Variants in HEATR4 observed in about 807,000 individuals in gnomAD.
The protein encoded by HEATR4 is HEAT repeat containing 4, also known as HEAT repeat-containing protein 4.
In HEATR4, 95 loss-of-function variants were observed where a neutral mutation model predicts 108.8. That is an observed-to-expected ratio of 0.87 (90% CI 0.74 to 1.04). HEATR4 has a LOEUF of 1.04. HEATR4 is among the 50% of genes least tolerant of loss of function. The probability of loss-of-function intolerance (pLI) is 0.00; values close to 1 mark genes in which losing one functional copy is unlikely to be tolerated. For synonymous variants in HEATR4, 443 were observed against 459.4 expected, an observed-to-expected ratio of 0.96 and a Z score of 0.46; for missense variants, 1,152 against 1,253.8, an observed-to-expected ratio of 0.92 and a Z score of 1.23.
chr14:73,623,804 C>T, the HEATR4 span, among the ~76,000 whole-genome samples: 2 of 152,072 alleles, frequency 1.3e-5, no homozygotes, highest in Admixed American at 1.3e-4. Flanking sequence ...ACAAGAGTTC[C>T]CCTGAGAGCT....
the HEATR4 span, among the ~76,000 whole-genome samples, chr14:73,567,066 C>G: frequency 1.6e-4 from 24 of 152,174 alleles, no homozygotes; most frequent in Admixed American, 1.4e-3. Flanking sequence ...CTCAGCCTCC[C>G]AAAGTTCTGG....
upstream of HEATR4, among the ~76,000 whole-genome samples, chr14:73,563,527 G>A (rs528132391): frequency 6.6e-6 from 1 of 152,104 alleles, no homozygotes; most frequent in East Asian, 1.9e-4. Flanking sequence ...CCCGGGAGGT[G>A]GAGGTTGCAG....
the HEATR4 span, among the ~76,000 whole-genome samples, chr14:73,605,666 G>A: frequency 6.9e-6 from 1 of 144,182 alleles, no homozygotes; most frequent in East Asian, 2.1e-4. Context: ...CATCTCCTGG[G>A]CTCAAGCAGT....
the HEATR4 span, chr14:73,595,834 G>T: frequency 1.5e-6 from 1 of 681,788 alleles, no homozygotes; most frequent in Non-Finnish European, 2.2e-6. Context: ...CTTGCTTGTT[G>T]TAGAAGATTA....
chr14:73,627,622 C>G, the HEATR4 span, among the ~76,000 whole-genome samples: 1 of 152,090 alleles, frequency 6.6e-6, no homozygotes, highest in South Asian at 2.1e-4. Flanking sequence ...CATGTCCTCC[C>G]GGGCATGTCA....
the HEATR4 span, among the ~76,000 whole-genome samples, chr14:73,629,597 GTA>G: frequency 6.6e-6 from 1 of 152,078 alleles, no homozygotes; most frequent in South Asian, 2.1e-4. Context: ...AAAGTTAATG[GTA>G]TGTTAGGGTC....
At chr14:73,562,920 T>C (rs1476422190), upstream of HEATR4, among the ~76,000 whole-genome samples, 1 of 152,106 alleles carries the variant, frequency 6.6e-6, no homozygotes, top group Admixed American at 6.6e-5. Flanking sequence ...CTTGTGATCT[T>C]TGTTGGACCT....
chr14:73,489,197 G>C (rs1885570448), intron 17 of HEATR4, among the ~76,000 whole-genome samples: 1 of 152,110 alleles, frequency 6.6e-6, no homozygotes, highest in Non-Finnish European at 1.5e-5. Flanking sequence ...AGTGTCTCTA[G>C]TGTCTGTTTA....
intron 17 of HEATR4, chr14:73,480,912 AG>A (rs1236362982): frequency 6.6e-6 from 1 of 152,128 alleles, no homozygotes; most frequent in Non-Finnish European, 1.5e-5. Context: ...ACTACTTAGG[AG>A]GCTGAGGCAG....
In HEATR4 at chr14:73,509,395, C is replaced by A; in HGVS notation, c.1637G>T (p.Arg546Leu). The change falls in exon 8 of 18, where the codon CGG (arginine) becomes CTG (leucine). Residue 546 changes from arginine (R) to leucine (L), a missense_variant. Physicochemically the swap from Arg to Leu is moderately radical, Grantham distance 102 (BLOSUM62 -2). Transcript: ENST00000553558. ...ATATTGGCATATTGCTGCTGCCATC[C>A]GCACATGGGCATTCTTGTCACAAAG... ...AALCDKNAHVRMAAAICQYAI... is the reference protein window; with the variant it reads ...AALCDKNAHVLMAAAICQYAI... 2 of 1,614,062 alleles carry A rather than the reference C, an allele frequency of 1.2e-6. No individual in the cohort carries two copies. The highest frequency in any genetic ancestry group is 1.7e-6 in the Non-Finnish European group (2 of 1,180,004).
intron 1 of HEATR4, among the ~76,000 whole-genome samples, chr14:73,544,788 C>A (rs1432429641): frequency 1.8e-5 from 2 of 112,770 alleles, no homozygotes; most frequent in Admixed American, 2.0e-4. Context: ...AAATACCAGA[C>A]ATTGTGGCGG....
chr14:73,619,663 C>T, the HEATR4 span: 10 of 1,614,130 alleles, frequency 6.2e-6, no homozygotes, highest in African/African-American at 1.1e-4. Flanking sequence ...CTGTATTGAC[C>T]CACCTTATTT....
chr14:73,487,652 A>T (rs1238545130), intron 17 of HEATR4, among the ~76,000 whole-genome samples: 1 of 152,208 alleles, frequency 6.6e-6, no homozygotes, highest in Non-Finnish European at 1.5e-5. Flanking sequence ...GCTAAATGCA[A>T]GACGGGATAG....
At chr14:73,537,011 T>A in intron 1 of HEATR4, 1 of 125,278 alleles carries the variant, frequency 8.0e-6, no homozygotes, top group Non-Finnish European at 1.6e-5. Context: ...TGAGACGGAC[T>A]TTCGCTCTGT....
chr14:73,589,369 T>TA, the HEATR4 span, among the ~76,000 whole-genome samples: 719 of 152,218 alleles, frequency 4.7e-3, 6 homozygotes, highest in South Asian at 0.018. Context: ...ACCGATGCTG[T>TA]AGTGCAGTGG....
the HEATR4 span, chr14:73,617,189 A>G: frequency 6.2e-7 from 1 of 1,614,202 alleles, no homozygotes; most frequent in Admixed American, 1.7e-5. Flanking sequence ...TGCAGCATCC[A>G]AAGGTGCGTT....
chr14:73,617,196 C>T, the HEATR4 span: 846 of 1,614,106 alleles, frequency 5.2e-4, 4 homozygotes, highest in African/African-American at 8.5e-3. Context: ...TCCAAAGGTG[C>T]GTTCTGGTGA....
the HEATR4 span, chr14:73,617,308 C>A: frequency 7.0e-7 from 1 of 1,420,592 alleles, no homozygotes; most frequent in South Asian, 1.2e-5. Flanking sequence ...GATACCAAGT[C>A]TCCTTCAAAG....
the HEATR4 span, among the ~76,000 whole-genome samples, chr14:73,612,343 G>A: frequency 6.6e-6 from 1 of 152,178 alleles, no homozygotes; most frequent in Admixed American, 6.5e-5. Flanking sequence ...CCCCCGGCCG[G>A]ATTGGTCATT....
Sources: gnomAD v4.1 joint callset for allele counts (sites outside exome capture counted in the v4.1 genomes callset) on GRCh38, gnomAD v4.1.1 for gene constraint, MANE v1.5 for transcripts, NCBI Gene and HGNC (gene_info 2026-07-23, HGNC 2026-07-21) for gene names.